BTBD17: variants seen among roughly 807,000 people sequenced by gnomAD.
BTBD17 encodes the protein BTB domain containing 17.
BTBD17 carries 26 observed loss-of-function variants against 36.9 expected under a neutral mutation model. The observed-to-expected ratio is 0.70, with a 90% confidence interval of 0.52 to 0.98. The LOEUF is 0.98. Ranked by LOEUF, BTBD17 falls within the 50% of genes least tolerant of loss-of-function variation. The pLI, the probability that BTBD17 is intolerant of heterozygous loss-of-function variation, is 0.00. For missense variants in BTBD17, 630 were observed against 691.3 expected, an observed-to-expected ratio of 0.91 and a Z score of 0.99; for synonymous variants, 341 against 338.0, an observed-to-expected ratio of 1.01 and a Z score of -0.10.
chr17:74,356,455 G>T lies in BTBD17; in HGVS notation c.*202C>A. Reference sequence around the variant, plus strand: ...CATCGGTTTATTCAGGACCAAGAACGTTCCTTCAAGTCAGCTGTGAAATCA... The same window carrying T: ...CATCGGTTTATTCAGGACCAAGAACTTTCCTTCAAGTCAGCTGTGAAATCA... On this transcript the variant is annotated 3_prime_UTR_variant, in exon 3 of 3. Transcript: ENST00000375366. The surrounding 1 kb of genome is among the most constrained non-coding windows in gnomAD (Gnocchi z 4.3). The T allele has an allele frequency of 1.2e-6, 1 of 820,440 alleles. No homozygotes were observed. The highest frequency in any genetic ancestry group is 1.7e-6 in the Non-Finnish European group (1 of 602,916). 50.8% of individuals were successfully genotyped at this position (820,440 alleles called of 1,614,324 possible). A position where few individuals can be genotyped will look rare whatever the true frequency, so the allele number is the denominator to read the frequency against.
At chr17:74,361,905 G>T, upstream of BTBD17, 3 of 1,110,814 alleles carry the variant, frequency 2.7e-6, no homozygotes, top group Non-Finnish European at 3.9e-6. Context: ...ATAGGATCCG[G>T]CACAAGGGGA....
intron 2 of BTBD17, 70 bp downstream of exon 2, chr17:74,359,899 G>A (rs2054924868): frequency 1.3e-6 from 2 of 1,520,658 alleles, no homozygotes; most frequent in East Asian, 2.3e-5. Context: ...GGGCTTCCCT[G>A]ACCCTGTAGG....
At position 74,358,475 on chromosome 17, in the gene BTBD17, C is replaced by CTT. The variant is rs1204577844; in HGVS notation, c.363-746_363-745dup. ...TGATCATCATGCCACGACACTCCAGCTTTTTTTTTTTTTTTTTTTTTTTTT... is the reference window on the plus strand; with the variant it reads ...TGATCATCATGCCACGACACTCCAGCTTTTTTTTTTTTTTTTTTTTTTTTTTT... On this transcript the variant is annotated intron_variant, in intron 2 of 2. Transcript: ENST00000375366. Among the ~76,000 whole-genome samples, 231 of 60,094 alleles carry CTT rather than the reference C, an allele frequency of 3.8e-3. 2 individuals carry two copies. The highest frequency in any genetic ancestry group is 0.01 in the African/African-American group (161 of 15,588). The allele number at this position is 60,094 out of a possible 152,430, so 39.4% of individuals were successfully genotyped here. A position where few individuals can be genotyped will look rare whatever the true frequency, so the allele number is the denominator to read the frequency against.
chr17:74,362,030 C>T (rs1015364751), upstream of BTBD17: 31 of 538,870 alleles, frequency 5.8e-5, no homozygotes, highest in South Asian at 1.3e-4. Context: ...GCGGCAGCCC[C>T]GGGGGCTATT....
chr17:74,360,515 G>T lies in BTBD17; in HGVS notation c.86-270C>A, dbSNP rs527270099. Among the ~76,000 whole-genome samples, 4 of 152,276 alleles carry T rather than the reference G, an allele frequency of 2.6e-5. No individual in the cohort carries two copies. In the South Asian group the frequency reaches 8.3e-4, roughly 32 times the overall value. ...AGGGGGTGCATTCAGGCAGGGGGAG[G>T]TTGTGCTCAGGTTTAGGACAACATG... On this transcript the variant is annotated intron_variant, in intron 1 of 2. Transcript: ENST00000375366.
chr17:74,360,395 G>C, intron 1 of BTBD17, 150 bp from the exon 2 acceptor site: 1 of 770,922 alleles, frequency 1.3e-6, no homozygotes, highest in Non-Finnish European at 2.1e-6. Flanking sequence ...ATACCTGTTT[G>C]TGCCCACGAG....
At chr17:74,361,691 C>T in intron 1 of BTBD17, 44 bp downstream of exon 1, 1 of 1,554,668 alleles carries the variant, frequency 6.4e-7, no homozygotes, top group Middle Eastern at 1.7e-4. Flanking sequence ...CTGGGACGAC[C>T]TGCCGCTCCA....
intron 1 of BTBD17, among the ~76,000 whole-genome samples, chr17:74,361,299 G>A (rs1035371526): frequency 3.9e-5 from 6 of 152,330 alleles, no homozygotes; most frequent in African/African-American, 1.4e-4. Context: ...CAGATGGGCC[G>A]CAGCCACATG....
chr17:74,358,795 G>A (rs1039034440), intron 2 of BTBD17, among the ~76,000 whole-genome samples: 7 of 152,162 alleles, frequency 4.6e-5, no homozygotes, highest in Middle Eastern at 3.4e-3. Flanking sequence ...CTTCCCCAAC[G>A]TCCATTTCTC....
At chr17:74,361,648 C>T (rs933716764) in intron 1 of BTBD17, 87 bp downstream of exon 1, 70 of 1,086,360 alleles carry the variant, frequency 6.4e-5, no homozygotes, top group Middle Eastern at 2.0e-4. Flanking sequence ...AGCTGGACAC[C>T]GCCCCCTCCT....
intron 1 of BTBD17, among the ~76,000 whole-genome samples, chr17:74,360,986 G>A (rs2054934290): frequency 6.6e-6 from 1 of 152,162 alleles, no homozygotes; most frequent in Non-Finnish European, 1.5e-5. Context: ...GGGTGTGGAA[G>A]GGAAGCTGTT....
At chr17:74,361,920 AC>A, upstream of BTBD17, 5 of 931,462 alleles carry the variant, frequency 5.4e-6, no homozygotes, top group Non-Finnish European at 8.0e-6. Context: ...AGGGGACGGC[AC>A]CCCCCTTCCT....
chr17:74,360,976 G>A (rs534156352), intron 1 of BTBD17, among the ~76,000 whole-genome samples: 135 of 152,290 alleles, frequency 8.9e-4, no homozygotes, highest in Non-Finnish European at 1.5e-3. Context: ...ACGAGGCTGC[G>A]GGTGTGGAAG....
At position 74,357,005 on chromosome 17, in the gene BTBD17, G is replaced by C; in HGVS notation, c.1089C>G (p.Arg363=). The change falls in exon 3 of 3, where the codon CGC becomes CGG. Residue 363 remains arginine, a synonymous_variant. Coordinates refer to ENST00000375366, the MANE Select transcript of BTBD17 (RefSeq NM_001080466.2). The surrounding 1 kb of genome is among the most constrained non-coding windows in gnomAD (Gnocchi z 8.4). ...CGGGCCGCAGGCTGACGGGCAGCCAGCGCGGCGAGAAGAGCACGTTCCAGG... is the reference window on the plus strand; with the variant it reads ...CGGGCCGCAGGCTGACGGGCAGCCACCGCGGCGAGAAGAGCACGTTCCAGG... ...RVTWNVLFSP[R]WLPVSLRPVY... is the part of the protein sequence containing the mutation. The C allele has an allele frequency of 1.3e-6, 2 of 1,497,762 alleles. No homozygotes were observed. Among genetic ancestry groups the C allele is most frequent in the East Asian group, 5.6e-5 (2 of 35,892 alleles). The allele number at this position is 1,497,762 out of a possible 1,614,324, so 92.8% of individuals were successfully genotyped here. A position where few individuals can be genotyped will look rare whatever the true frequency, so the allele number is the denominator to read the frequency against.
At chr17:74,361,073 C>G (rs1253990803) in intron 1 of BTBD17, among the ~76,000 whole-genome samples, 1 of 152,194 alleles carries the variant, frequency 6.6e-6, no homozygotes, top group Non-Finnish European at 1.5e-5. Flanking sequence ...CAGCAGGGGA[C>G]AGGAGAAAGT....
At position 74,356,624 on chromosome 17, in the gene BTBD17, C is replaced by T; in HGVS notation, c.*33G>A. The T allele has an allele frequency of 1.4e-6, 2 of 1,457,640 alleles. No individual in the cohort carries two copies. The allele number at this position is 1,457,640 out of a possible 1,614,324, so 90.3% of individuals were successfully genotyped here. On this transcript the variant is annotated 3_prime_UTR_variant, in exon 3 of 3. Coordinates refer to ENST00000375366, the MANE Select transcript of BTBD17 (RefSeq NM_001080466.2). This position sits in a 1 kb window ranked among gnomAD's most constrained non-coding sequence, Gnocchi z 4.3. Reference sequence around the variant, plus strand: ...GCCCTTCCCAGACCCACAGGGACCACCTAGGCCAGGCCTTTATTCCCAGAC... The same window carrying T: ...GCCCTTCCCAGACCCACAGGGACCATCTAGGCCAGGCCTTTATTCCCAGAC...
At chr17:74,362,102 C>T (rs2054944433), upstream of BTBD17, among the ~76,000 whole-genome samples, 1 of 152,214 alleles carries the variant, frequency 6.6e-6, no homozygotes, top group African/African-American at 2.4e-5. Context: ...ATCTCCTTAC[C>T]ACCCAGCAGG....
chr17:74,359,873 C>G, intron 2 of BTBD17, 96 bp downstream of exon 2: 1 of 1,300,994 alleles, frequency 7.7e-7, no homozygotes. Context: ...ATGGACATAA[C>G]AACCTCTAAG....
intron 1 of BTBD17, among the ~76,000 whole-genome samples, chr17:74,360,870 C>T (rs1052625279): frequency 1.3e-5 from 2 of 152,178 alleles, no homozygotes; most frequent in East Asian, 1.9e-4. Flanking sequence ...GCTCCAGCCC[C>T]GCAAAGGCCC....
Sources: gnomAD v4.1 joint callset for allele counts (sites outside exome capture counted in the v4.1 genomes callset) on GRCh38, gnomAD v4.1.1 for gene constraint, Gnocchi (gnomAD v3.1) non-coding constraint, MANE v1.5 for transcripts, NCBI Gene and HGNC (gene_info 2026-07-23, HGNC 2026-07-21) for gene names.